The following NRXN1 variants were observed in gnomAD, a reference collection of about 807,000 sequenced individuals.
NRXN1 encodes neurexin 1, also known as neurexin-1.
NRXN1 carries 39 observed loss-of-function variants against 150.9 expected under a neutral mutation model. The ratio of observed to expected loss-of-function variants is 0.26; its 90% CI spans 0.20 to 0.34. The LOEUF (loss-of-function observed/expected upper bound fraction) is 0.34, where lower values mean the gene tolerates loss of function less well. Ranked by LOEUF, NRXN1 falls within the 10% of genes least tolerant of loss-of-function variation. The pLI, the probability that NRXN1 is intolerant of heterozygous loss-of-function variation, is 1.00. For missense variants in NRXN1, 1,815 were observed against 1,949.9 expected, an observed-to-expected ratio of 0.93 and a Z score of 1.30; for synonymous variants, 924 against 757.0, an observed-to-expected ratio of 1.22 and a Z score of -3.62.
intron 5 of NRXN1, among the ~76,000 whole-genome samples, chr2:50,707,021 C>T (rs1316664736): frequency 6.6e-6 from 1 of 152,064 alleles, no homozygotes; most frequent in African/African-American, 2.4e-5. Flanking sequence ...AAAGTGGCAG[C>T]TGTAATTTTT....
chr2:50,968,352 C>T (rs1051961950), intron 2 of NRXN1, among the ~76,000 whole-genome samples: 4 of 152,048 alleles, frequency 2.6e-5, no homozygotes, highest in African/African-American at 9.7e-5. Context: ...ATCTCCTACA[C>T]CCTGTGTACT....
At chr2:50,161,836 T>C (rs1003537254) in intron 18 of NRXN1, among the ~76,000 whole-genome samples, 5 of 151,828 alleles carry the variant, frequency 3.3e-5, no homozygotes, top group African/African-American at 9.7e-5. Flanking sequence ...GTGGGAGGAA[T>C]GAAGGCAGGA....
At chr2:50,362,458 G>C (rs114191999) in intron 17 of NRXN1, among the ~76,000 whole-genome samples, 3,981 of 151,912 alleles carry the variant, frequency 0.026, 146 homozygotes, top group East Asian at 0.12. Context: ...CAGTAATAGA[G>C]AGCCAAATCA....
At chr2:50,274,297 C>A (rs1351500968) in intron 17 of NRXN1, among the ~76,000 whole-genome samples, 5 of 152,092 alleles carry the variant, frequency 3.3e-5, no homozygotes, top group Non-Finnish European at 5.9e-5. Flanking sequence ...AACACAGGAA[C>A]AGGAAACCAA....
intron 5 of NRXN1, among the ~76,000 whole-genome samples, chr2:50,691,096 C>T (rs974654162): frequency 6.6e-6 from 1 of 152,266 alleles, no homozygotes; most frequent in South Asian, 2.1e-4. Flanking sequence ...TGACGTGAAT[C>T]TCAAATGACC....
At chr2:50,021,373 G>C (rs1049180926) in intron 21 of NRXN1, among the ~76,000 whole-genome samples, 2 of 152,126 alleles carry the variant, frequency 1.3e-5, no homozygotes, top group African/African-American at 4.8e-5. Context: ...TAGCAGGATG[G>C]AAACTTCTTT....
chr2:50,326,017 A>C, intron 17 of NRXN1, among the ~76,000 whole-genome samples: 1 of 152,340 alleles, frequency 6.6e-6, no homozygotes, highest in Middle Eastern at 3.4e-3. Context: ...TTGTTTGAAT[A>C]TATTTTTTAA....
At chr2:50,378,196 G>T (rs1361452664) in intron 17 of NRXN1, among the ~76,000 whole-genome samples, 1 of 152,052 alleles carries the variant, frequency 6.6e-6, no homozygotes, top group East Asian at 1.9e-4. Flanking sequence ...TCTAATAACT[G>T]ACCTTTCATT....
intron 19 of NRXN1, among the ~76,000 whole-genome samples, chr2:50,083,067 A>G (rs956354247): frequency 6.6e-6 from 1 of 152,230 alleles, no homozygotes; most frequent in African/African-American, 2.4e-5. Context: ...ACAATTATCA[A>G]ATTGGCCCTG....
chr2:50,948,281 AT>A (rs1384640857), intron 2 of NRXN1, among the ~76,000 whole-genome samples: 3 of 151,572 alleles, frequency 2.0e-5, no homozygotes, highest in Non-Finnish European at 4.4e-5. Flanking sequence ...GGCAAAATTA[AT>A]AAACTGTAAC....
intron 19 of NRXN1, among the ~76,000 whole-genome samples, chr2:50,058,832 A>C (rs1694047749): frequency 6.6e-6 from 1 of 152,138 alleles, no homozygotes; most frequent in African/African-American, 2.4e-5. Flanking sequence ...CCTGTCACCA[A>C]GTAAGACATG....
intron 2 of NRXN1, among the ~76,000 whole-genome samples, chr2:51,002,013 AT>A: frequency 6.6e-6 from 1 of 152,114 alleles, no homozygotes; most frequent in South Asian, 2.1e-4. Context: ...AGTTTCCCTA[AT>A]TTATTACAAT....
intron 21 of NRXN1, among the ~76,000 whole-genome samples, chr2:49,962,851 C>T (rs765591860): frequency 1.2e-4 from 18 of 151,940 alleles, no homozygotes; most frequent in African/African-American, 3.1e-4. Flanking sequence ...TACTCAGGAG[C>T]GTCAGGCAGG....
intron 9 of NRXN1, among the ~76,000 whole-genome samples, chr2:50,547,142 G>A (rs772227880): frequency 2.0e-5 from 3 of 152,160 alleles, no homozygotes; most frequent in Non-Finnish European, 2.9e-5. Flanking sequence ...GGAACTCTAC[G>A]ACTTCAATTC....
intron 5 of NRXN1, among the ~76,000 whole-genome samples, chr2:50,819,805 G>C (rs995970473): frequency 6.6e-6 from 1 of 151,518 alleles, no homozygotes; most frequent in African/African-American, 2.4e-5. Flanking sequence ...AAAATCCTTG[G>C]TTGTTCATTC....
chr2:50,072,355 A>G (rs923830760), intron 19 of NRXN1, among the ~76,000 whole-genome samples: 10 of 152,264 alleles, frequency 6.6e-5, no homozygotes, highest in African/African-American at 1.9e-4. Flanking sequence ...TAATGATTAC[A>G]TGCGGTGACA....
At chr2:50,999,040 G>A (rs943604358) in intron 2 of NRXN1, among the ~76,000 whole-genome samples, 1 of 151,888 alleles carries the variant, frequency 6.6e-6, no homozygotes, top group Non-Finnish European at 1.5e-5. Flanking sequence ...TTAAAGACTG[G>A]CTTAATTTTT....
intron 18 of NRXN1, among the ~76,000 whole-genome samples, chr2:50,147,328 A>G (rs1005110188): frequency 3.3e-5 from 5 of 151,800 alleles, no homozygotes; most frequent in African/African-American, 1.2e-4. Context: ...CTTTATCTGT[A>G]TAGCCAGAGT....
At chr2:50,752,431 C>T (rs1338329031) in intron 5 of NRXN1, among the ~76,000 whole-genome samples, 4 of 151,836 alleles carry the variant, frequency 2.6e-5, no homozygotes, top group African/African-American at 7.3e-5. Flanking sequence ...GTATTTCTGC[C>T]AAGTACCAAG....
Sources: gnomAD v4.1 joint callset for allele counts (sites outside exome capture counted in the v4.1 genomes callset) on GRCh38, gnomAD v4.1.1 for gene constraint, MANE v1.5 for transcripts, NCBI Gene and HGNC (gene_info 2026-07-23, HGNC 2026-07-21) for gene names.